The following SORBS2 variants were observed in gnomAD, a reference collection of about 807,000 sequenced individuals.
The protein encoded by SORBS2 is sorbin and SH3 domain containing 2.
In SORBS2, 46 loss-of-function variants were observed where a neutral mutation model predicts 97.7. The observed-to-expected ratio is 0.47, with a 90% CI of 0.37 to 0.60. The LOEUF (loss-of-function observed/expected upper bound fraction) is 0.60. Among genes scored for constraint, SORBS2 ranks in the 20% least tolerant of loss-of-function variants. SORBS2 has a pLI of 0.00. For missense variants in SORBS2, 1,316 were observed against 1,282.3 expected (o/e 1.03, Z -0.40); for synonymous variants, 476 against 473.4 (o/e 1.01, Z -0.07).
At chr4:185,709,248 G>A (rs1241944639) in intron 2 of SORBS2, among the ~76,000 whole-genome samples, 3 of 143,236 alleles carry the variant, frequency 2.1e-5, no homozygotes, top group South Asian at 2.3e-4. Context: ...TTGAACTCCC[G>A]CCTTGGCCTC....
intron 1 of SORBS2, among the ~76,000 whole-genome samples, chr4:185,906,816 G>A (rs971964271): frequency 5.9e-5 from 9 of 152,144 alleles, no homozygotes; most frequent in African/African-American, 2.2e-4. Flanking sequence ...TGGGAGAAGT[G>A]ATATTTAGGG....
At chr4:185,592,371 A>G (rs2095967108) in intron 13 of SORBS2, among the ~76,000 whole-genome samples, 1 of 152,232 alleles carries the variant, frequency 6.6e-6, no homozygotes, top group Non-Finnish European at 1.5e-5. Flanking sequence ...AAAATGTAAC[A>G]TATCTTTCAT....
At chr4:185,769,505 T>C (rs1044620130) in intron 2 of SORBS2, among the ~76,000 whole-genome samples, 1 of 152,124 alleles carries the variant, frequency 6.6e-6, no homozygotes, top group African/African-American at 2.4e-5. Context: ...ACTATTTTTG[T>C]TTTTGAAAGA....
intron 2 of SORBS2, among the ~76,000 whole-genome samples, chr4:185,755,665 G>A (rs2098826555): frequency 6.6e-6 from 1 of 152,190 alleles, no homozygotes; most frequent in African/African-American, 2.4e-5. Flanking sequence ...CTATCAAGGA[G>A]GGCTAGACCA....
At chr4:185,808,823 C>T (rs1204175721) in intron 1 of SORBS2, among the ~76,000 whole-genome samples, 4 of 152,194 alleles carry the variant, frequency 2.6e-5, no homozygotes, top group African/African-American at 9.6e-5. Flanking sequence ...TAATCATCAT[C>T]AACTCAACAT....
intron 2 of SORBS2, among the ~76,000 whole-genome samples, chr4:185,745,504 T>C (rs2153591304): frequency 6.6e-6 from 1 of 152,314 alleles, no homozygotes; most frequent in Non-Finnish European, 1.5e-5. Flanking sequence ...CCTTCCAACC[T>C]CACATCACAT....
intron 1 of SORBS2, among the ~76,000 whole-genome samples, chr4:185,820,994 T>C (rs1283104504): frequency 6.6e-6 from 1 of 152,156 alleles, no homozygotes; most frequent in African/African-American, 2.4e-5. Flanking sequence ...CCGACAAACA[T>C]TTCTTCAACC....
At chr4:185,777,967 A>G (rs533837768) in intron 1 of SORBS2, among the ~76,000 whole-genome samples, 2 of 152,336 alleles carry the variant, frequency 1.3e-5, no homozygotes, top group Admixed American at 1.3e-4. Flanking sequence ...TCTTCCTAAA[A>G]CATGTAAACT....
intron 1 of SORBS2, among the ~76,000 whole-genome samples, chr4:185,889,115 G>C (rs2099241191): frequency 6.6e-6 from 1 of 152,104 alleles, no homozygotes; most frequent in African/African-American, 2.4e-5. Context: ...TTATCTTAGA[G>C]GAAGAGGGTT....
At chr4:185,732,294 T>C (rs1343703480) in intron 2 of SORBS2, among the ~76,000 whole-genome samples, 1 of 152,126 alleles carries the variant, frequency 6.6e-6, no homozygotes, top group African/African-American at 2.4e-5. Flanking sequence ...ATAGCATGTG[T>C]GAATAGGAAG....
At chr4:185,598,292 T>C (rs902623133) in intron 12 of SORBS2, among the ~76,000 whole-genome samples, 7 of 151,056 alleles carry the variant, frequency 4.6e-5, no homozygotes, top group Non-Finnish European at 8.9e-5. Flanking sequence ...TGTATTTTTT[T>C]CTGTAGCCCT....
chr4:185,652,814 C>A, intron 1 of SORBS2, 86 bp from the exon 10 acceptor site: 1 of 990,438 alleles, frequency 1.0e-6, no homozygotes, highest in South Asian at 1.3e-5. Context: ...ATTTTATGTT[C>A]TTAATAACAG....
chr4:185,683,317 C>T (rs780979725), intron 2 of SORBS2, among the ~76,000 whole-genome samples: 2 of 151,822 alleles, frequency 1.3e-5, no homozygotes, highest in Non-Finnish European at 2.9e-5. Context: ...AGTTCAGTTT[C>T]GACTCTCCAC....
intron 1 of SORBS2, among the ~76,000 whole-genome samples, chr4:185,904,833 A>G (rs2099249787): frequency 6.6e-6 from 1 of 152,158 alleles, no homozygotes; most frequent in Non-Finnish European, 1.5e-5. Context: ...GGCCGGGCGC[A>G]GTGGCTCATG....
At chr4:185,899,243 G>C (rs1049364846) in intron 1 of SORBS2, among the ~76,000 whole-genome samples, 1 of 152,122 alleles carries the variant, frequency 6.6e-6, no homozygotes, top group Non-Finnish European at 1.5e-5. Context: ...ACACACAGCG[G>C]ATAATCCAAG....
chr4:185,677,538 A>G (rs1234160784), intron 4 of SORBS2: 1 of 1,549,938 alleles, frequency 6.5e-7, no homozygotes, highest in Admixed American at 2.0e-5. Context: ...ACTGGAGGGA[A>G]TTTGTGTGTT....
At chr4:185,857,779 C>T (rs1204044737) in intron 1 of SORBS2, among the ~76,000 whole-genome samples, 5 of 152,162 alleles carry the variant, frequency 3.3e-5, no homozygotes, top group Non-Finnish European at 7.4e-5. Context: ...CCCTGGTCTC[C>T]TGCAGTGCCC....
chr4:185,595,439 TAATTC>T (rs2096062594), intron 12 of SORBS2, among the ~76,000 whole-genome samples: 1 of 152,162 alleles, frequency 6.6e-6, no homozygotes, highest in South Asian at 2.1e-4. Context: ...AAAGGTCATT[TAATTC>T]AAGATATTAT....
At position 185,826,508 on chromosome 4, in the gene SORBS2, C is replaced by T. The variant is rs147187036; in HGVS notation, c.-337-51142G>A. On this transcript the variant is annotated intron_variant, in intron 1 of 20. Transcript: ENST00000284776. Reference sequence around the variant, plus strand: ...AAGTCATCCTAGTCTCTAAACAGAACAAGTTGGTCCTGTGAGCTACTGAGG... The same window carrying T: ...AAGTCATCCTAGTCTCTAAACAGAATAAGTTGGTCCTGTGAGCTACTGAGG... 4.3e-3 allele frequency among the ~76,000 whole-genome samples: 654 copies of T among 152,340 alleles called. 7 individuals carry two copies. Among genetic ancestry groups the T allele is most frequent in the African/African-American group, 0.015 (621 of 41,580 alleles).
Sources: allele counts gnomAD v4.1 joint callset (sites outside exome capture counted in the v4.1 genomes callset), GRCh38; gene constraint gnomAD v4.1.1; transcripts MANE v1.5; gene names NCBI Gene and HGNC (gene_info 2026-07-23, HGNC 2026-07-21).